Variants in TNIK observed in about 807,000 individuals in gnomAD.
TNIK encodes the protein TRAF2 and NCK-interacting protein kinase.
In TNIK, 49 loss-of-function variants were observed where a neutral mutation model predicts 191.3. The ratio of observed to expected loss-of-function variants is 0.26; its 90% confidence interval spans 0.20 to 0.32. TNIK has a LOEUF of 0.32. Ranked by LOEUF, TNIK falls within the 10% of genes least tolerant of loss-of-function variation. The probability of loss-of-function intolerance (pLI) is 1.00; values close to 1 mark genes in which losing one functional copy is unlikely to be tolerated. For missense variants in TNIK, 1,155 were observed against 1,702.3 expected (o/e 0.68, Z 5.66); for synonymous variants, 594 against 600.9 (o/e 0.99, Z 0.17).
intron 2 of TNIK, among the ~76,000 whole-genome samples, chr3:171,301,587 T>C (rs973422423): frequency 1.3e-5 from 2 of 152,234 alleles, no homozygotes; most frequent in Non-Finnish European, 2.9e-5. Context: ...AGTGCTGGGA[T>C]TACAGGCGTG....
chr3:171,408,538 C>A lies in TNIK; in HGVS notation c.58-38853G>T, dbSNP rs74968244. On this transcript the variant is annotated intron_variant, in intron 1 of 32. Coordinates refer to ENST00000436636, the MANE Select transcript of TNIK (RefSeq NM_015028.4). Reference sequence around the variant, plus strand: ...AGGTCAGAAGACATCAGAAAGCAGGCCGATCTGGATCCAATTCAGCATCTG... The same window carrying A: ...AGGTCAGAAGACATCAGAAAGCAGGACGATCTGGATCCAATTCAGCATCTG... 4.9e-4 allele frequency among the ~76,000 whole-genome samples: 74 copies of A among 152,286 alleles called. 1 individual carries two copies. The East Asian group carries it at 0.014, about 28-fold the overall frequency.
chr3:171,089,304 T>G (rs1721756174), intron 23 of TNIK, among the ~76,000 whole-genome samples: 1 of 152,226 alleles, frequency 6.6e-6, no homozygotes, highest in African/African-American at 2.4e-5. Flanking sequence ...CTAAATGACA[T>G]TTAGGAAATT....
chr3:171,089,107 G>A (rs772128556), intron 23 of TNIK, among the ~76,000 whole-genome samples: 2 of 152,174 alleles, frequency 1.3e-5, no homozygotes, highest in Non-Finnish European at 2.9e-5. Flanking sequence ...CTGTAATGGT[G>A]CATGTAATTG....
intron 12 of TNIK, among the ~76,000 whole-genome samples, chr3:171,142,333 C>T (rs937919602): frequency 3.3e-5 from 5 of 152,072 alleles, no homozygotes; most frequent in East Asian, 3.9e-4. Flanking sequence ...GATAGGGCAT[C>T]GATGATTTCA....
At chr3:171,265,141 TC>T (rs1748218531) in intron 2 of TNIK, among the ~76,000 whole-genome samples, 1 of 152,142 alleles carries the variant, frequency 6.6e-6, no homozygotes, top group Non-Finnish European at 1.5e-5. Flanking sequence ...ACCCGGGTAC[TC>T]CCCAAATGTA....
At chr3:171,373,404 C>T (rs2108501510) in intron 1 of TNIK, among the ~76,000 whole-genome samples, 1 of 152,286 alleles carries the variant, frequency 6.6e-6, no homozygotes, top group East Asian at 1.9e-4. Flanking sequence ...CCACCCTTGT[C>T]CACCACTCCC....
chr3:171,384,996 A>C (rs138820445), intron 1 of TNIK, among the ~76,000 whole-genome samples: 1 of 152,206 alleles, frequency 6.6e-6, no homozygotes, highest in Non-Finnish European at 1.5e-5. Context: ...TGCCAAATAC[A>C]AAGAAATGAT....
intron 9 of TNIK, among the ~76,000 whole-genome samples, chr3:171,170,159 T>C (rs973445864): frequency 8.5e-5 from 13 of 152,144 alleles, no homozygotes; most frequent in Admixed American, 7.9e-4. Context: ...TCTTATAAAA[T>C]AAAAACACCT....
Position 171,366,758 on chromosome 3 carries a change from C to T in TNIK, c.123+2862G>A, listed in dbSNP as rs1345113516. 6.6e-6 allele frequency among the ~76,000 whole-genome samples: 1 copy of T among 152,168 alleles called. No homozygotes were observed. The highest frequency in any genetic ancestry group is 1.5e-5 in the Non-Finnish European group (1 of 68,028). On this transcript the variant is annotated intron_variant, in intron 2 of 32. Transcript: ENST00000436636. The surrounding 1 kb of genome is among the most constrained non-coding windows in gnomAD (Gnocchi z 4.1). Reference sequence around the variant, plus strand: ...TTTGGCTGTGTCCCCAACCAAATTTCGTCTTGAATTGTAGTTCCCGTAATC... The same window carrying T: ...TTTGGCTGTGTCCCCAACCAAATTTTGTCTTGAATTGTAGTTCCCGTAATC...
intron 9 of TNIK, 34 bp downstream of exon 9, chr3:171,175,218 C>G: frequency 6.3e-7 from 1 of 1,595,968 alleles, no homozygotes. Context: ...AAACCTCACC[C>G]TTAGATCTGC....
chr3:171,337,461 A>T (rs1452917304), intron 2 of TNIK, among the ~76,000 whole-genome samples: 3 of 152,212 alleles, frequency 2.0e-5, no homozygotes, highest in Admixed American at 1.3e-4. Context: ...GCACTGTGGG[A>T]CGCCTTTGCA....
intron 1 of TNIK, among the ~76,000 whole-genome samples, chr3:171,447,753 T>G (rs992960025): frequency 2.0e-5 from 3 of 152,236 alleles, no homozygotes; most frequent in Non-Finnish European, 4.4e-5. Context: ...GGAGTTATCC[T>G]AAGGAAACAG....
chr3:171,268,764 C>T (rs184069493), intron 2 of TNIK, among the ~76,000 whole-genome samples: 134 of 152,134 alleles, frequency 8.8e-4, no homozygotes, highest in Non-Finnish European at 1.6e-3. Flanking sequence ...AGGCATTGGA[C>T]AGGCCAGAGG....
intron 4 of TNIK, among the ~76,000 whole-genome samples, chr3:171,203,114 G>C (rs1437704480): frequency 6.6e-6 from 1 of 151,948 alleles, no homozygotes; most frequent in East Asian, 1.9e-4. Flanking sequence ...CGTCACACAA[G>C]GGTGGTTAAA....
intron 2 of TNIK, among the ~76,000 whole-genome samples, chr3:171,272,311 T>G (rs899465434): frequency 1.3e-5 from 2 of 152,246 alleles, no homozygotes; most frequent in South Asian, 2.1e-4. Flanking sequence ...GCAATTGCAG[T>G]ATCAATCTCT....
chr3:171,438,852 A>T (rs998391581), intron 1 of TNIK, among the ~76,000 whole-genome samples: 1 of 152,126 alleles, frequency 6.6e-6, no homozygotes, highest in East Asian at 1.9e-4. Flanking sequence ...TTTGGACTCC[A>T]CGCTCCAGGT....
At chr3:171,313,998 G>A (rs927154426) in intron 2 of TNIK, among the ~76,000 whole-genome samples, 2 of 152,106 alleles carry the variant, frequency 1.3e-5, no homozygotes, top group African/African-American at 4.8e-5. Context: ...AGAGACCAGC[G>A]CTAATTTAAA....
intron 29 of TNIK, 102 bp from the exon 30 acceptor site, chr3:171,069,099 A>C (rs1718856641): frequency 9.3e-6 from 13 of 1,392,082 alleles, no homozygotes; most frequent in Non-Finnish European, 1.1e-5. Context: ...ACTTTATTAA[A>C]GTGAAAAACT....
chr3:171,356,795 T>G (rs2108454756), intron 2 of TNIK, among the ~76,000 whole-genome samples: 1 of 152,326 alleles, frequency 6.6e-6, no homozygotes, highest in East Asian at 1.9e-4. Context: ...AAGACAAGGT[T>G]AATCATACCT....
Sources: gnomAD v4.1 joint callset for allele counts (sites outside exome capture counted in the v4.1 genomes callset) on GRCh38, gnomAD v4.1.1 for gene constraint, Gnocchi (gnomAD v3.1) non-coding constraint, MANE v1.5 for transcripts, NCBI Gene and HGNC (gene_info 2026-07-23, HGNC 2026-07-21) for gene names.